Variants in MARCHF11 observed in about 807,000 individuals in gnomAD.
MARCHF11 encodes E3 ubiquitin-protein ligase MARCHF11.
A neutral mutation model predicts 37.3 loss-of-function variants in MARCHF11; 29 were observed. That is an observed-to-expected ratio of 0.78 (90% CI 0.58 to 1.06). The LOEUF is 1.06. Among genes scored for constraint, MARCHF11 ranks in the 50% least tolerant of loss-of-function variants. The pLI is 0.00. For missense variants in MARCHF11, 482 were observed against 533.4 expected (o/e 0.90, Z 0.95); for synonymous variants, 233 against 228.0 (o/e 1.02, Z -0.20).
chr5:16,168,336 A>C (rs1238217018), intron 2 of MARCHF11, among the ~76,000 whole-genome samples: 2 of 152,112 alleles, frequency 1.3e-5, no homozygotes, highest in Admixed American at 6.6e-5. Flanking sequence ...CTTTCACCCC[A>C]TAGCTTAGGA....
chr5:16,076,198 C>A (rs1185230010), intron 3 of MARCHF11, among the ~76,000 whole-genome samples: 2 of 152,110 alleles, frequency 1.3e-5, no homozygotes, highest in African/African-American at 4.8e-5. Flanking sequence ...TAATTAGTAA[C>A]CCTGGAGAAC....
chr5:16,073,060 C>A (rs1736464059), intron 3 of MARCHF11, among the ~76,000 whole-genome samples: 1 of 152,146 alleles, frequency 6.6e-6, no homozygotes, highest in South Asian at 2.1e-4. Flanking sequence ...TATTTATACA[C>A]CCAAAATCTA....
At chr5:16,081,043 ACTAGGT>A (rs1736600291) in intron 3 of MARCHF11, among the ~76,000 whole-genome samples, 1 of 152,126 alleles carries the variant, frequency 6.6e-6, no homozygotes, top group South Asian at 2.1e-4. Flanking sequence ...TTCATACGTT[ACTAGGT>A]CTAGGCTTTT....
At chr5:16,115,767 ACAGGTACACG>A (rs1338666487) in intron 2 of MARCHF11, among the ~76,000 whole-genome samples, 1 of 151,924 alleles carries the variant, frequency 6.6e-6, no homozygotes, top group African/African-American at 2.4e-5. Context: ...AGCTGGGATT[ACAGGTACACG>A]CCACCATGCC....
At chr5:16,124,103 A>C (rs753846205) in intron 2 of MARCHF11, among the ~76,000 whole-genome samples, 2 of 152,192 alleles carry the variant, frequency 1.3e-5, no homozygotes, top group Non-Finnish European at 2.9e-5. Context: ...GTGACGTTGC[A>C]GGCCTGGGAA....
intron 2 of MARCHF11, among the ~76,000 whole-genome samples, chr5:16,098,192 G>A (rs1174394234): frequency 6.6e-6 from 1 of 152,190 alleles, no homozygotes; most frequent in Non-Finnish European, 1.5e-5. Context: ...AACACTTACA[G>A]ATGGGATCAT....
At chr5:16,120,082 G>T (rs559515929) in intron 2 of MARCHF11, among the ~76,000 whole-genome samples, 1 of 152,320 alleles carries the variant, frequency 6.6e-6, no homozygotes, top group East Asian at 1.9e-4. Flanking sequence ...GTCTCCTAAA[G>T]AGTTTCTGAG....
chr5:16,092,698 C>A (rs1736807012), intron 2 of MARCHF11, among the ~76,000 whole-genome samples: 1 of 152,054 alleles, frequency 6.6e-6, no homozygotes, highest in African/African-American at 2.4e-5. Flanking sequence ...ACCTATGTAA[C>A]AATCCTGCAC....
In MARCHF11 at chr5:16,159,131, T is replaced by C. The variant is rs976131584; in HGVS notation, c.693+18595A>G. ...TAAAGTAACTATTTAAAAAAAACCA[T>C]ATTGACAAACTTCTCATACTCAGTA... On this transcript the variant is annotated intron_variant, in intron 2 of 3. Coordinates refer to ENST00000332432, the MANE Select transcript of MARCHF11 (RefSeq NM_001102562.3). Among the ~76,000 whole-genome samples the C allele has an allele frequency of 2.6e-5, 4 of 152,010 alleles. No individual in the cohort carries two copies. The South Asian group carries it at 8.3e-4, about 32-fold the overall frequency.
rs143552358 is a variant in MARCHF11, at chr5:16,100,554, G to A, written c.694-9473C>T. On this transcript the variant is annotated intron_variant, in intron 2 of 3. Transcript: ENST00000332432. ...TGGAGAGTGACTCTAAATGGCAGAG[G>A]TAGCTGTAGGTGGCCAGGGAACAGG... is the stretch of plus-strand genomic sequence containing the variant. Among the ~76,000 whole-genome samples, 189 of 152,308 alleles carry A rather than the reference G, an allele frequency of 1.2e-3. 4 individuals are homozygous for A. Among genetic ancestry groups the A allele is most frequent in the African/African-American group, 4.3e-3 (177 of 41,570 alleles).
At chr5:16,101,079 A>C (rs1018013525) in intron 2 of MARCHF11, among the ~76,000 whole-genome samples, 13 of 152,206 alleles carry the variant, frequency 8.5e-5, no homozygotes, top group Non-Finnish European at 1.8e-4. Context: ...CAGGAAAAAA[A>C]AAAAAGAATA....
At chr5:16,129,433 G>T (rs1737476061) in intron 2 of MARCHF11, 1 of 152,104 alleles carries the variant, frequency 6.6e-6, no homozygotes, top group Non-Finnish European at 1.5e-5. Flanking sequence ...CTATCAAGCA[G>T]TATATTAAAA....
intron 3 of MARCHF11, among the ~76,000 whole-genome samples, chr5:16,070,525 C>T (rs1470124113): frequency 6.6e-6 from 1 of 152,226 alleles, no homozygotes; most frequent in East Asian, 1.9e-4. Flanking sequence ...ACAGCTTCAC[C>T]AGAGGAAACT....
intron 2 of MARCHF11, among the ~76,000 whole-genome samples, chr5:16,134,998 T>TCTCA (rs137865822): frequency 0.012 from 1,711 of 143,758 alleles, 9 homozygotes; most frequent in African/African-American, 0.023. Context: ...TCTCTCTCTC[T>TCTCA]CACACACACA....
intron 3 of MARCHF11, among the ~76,000 whole-genome samples, chr5:16,089,099 T>TA (rs557123942): frequency 0.054 from 8,041 of 147,854 alleles, 667 homozygotes; most frequent in African/African-American, 0.19. Context: ...GTTCTGAAAT[T>TA]AAAAAAAAAA....
intron 3 of MARCHF11, among the ~76,000 whole-genome samples, chr5:16,080,074 G>T (rs1260106268): frequency 6.6e-6 from 1 of 152,092 alleles, no homozygotes; most frequent in Non-Finnish European, 1.5e-5. Flanking sequence ...ACCTCCTTCT[G>T]GCTTCTACCC....
intron 2 of MARCHF11, among the ~76,000 whole-genome samples, chr5:16,112,285 C>T (rs1445005483): frequency 2.0e-5 from 3 of 152,194 alleles, no homozygotes; most frequent in Admixed American, 6.5e-5. Flanking sequence ...CAGCCCATGA[C>T]AGCAGTCAAG....
intron 2 of MARCHF11, among the ~76,000 whole-genome samples, chr5:16,127,439 G>C (rs949063470): frequency 1.3e-5 from 2 of 152,170 alleles, no homozygotes; most frequent in Non-Finnish European, 2.9e-5. Flanking sequence ...CTCATACGGA[G>C]CTTGAATGTG....
chr5:16,086,561 G>A (rs7735081), intron 3 of MARCHF11, among the ~76,000 whole-genome samples: 8,120 of 152,148 alleles, frequency 0.053, 365 homozygotes, highest in African/African-American at 0.12. Context: ...ATTAACTTGC[G>A]GTGTTGATTA....
Sources: allele counts gnomAD v4.1 joint callset (sites outside exome capture counted in the v4.1 genomes callset), GRCh38; gene constraint gnomAD v4.1.1; transcripts MANE v1.5; gene names NCBI Gene and HGNC (gene_info 2026-07-23, HGNC 2026-07-21).